IL34: variants seen among roughly 807,000 people sequenced by gnomAD.
IL34 encodes interleukin-34.
Under a neutral mutation model 25.3 loss-of-function variants are expected in IL34, and 17 were observed. The observed-to-expected ratio is 0.67, with a 90% CI of 0.46 to 1.01. The LOEUF (loss-of-function observed/expected upper bound fraction) is 1.01. IL34 is among the 50% of genes least tolerant of loss of function. The probability of loss-of-function intolerance (pLI) is 0.00; values close to 1 mark genes in which losing one functional copy is unlikely to be tolerated. For missense variants in IL34, 368 were observed against 312.9 expected (o/e 1.18, Z -1.33); for synonymous variants, 174 against 140.9 (o/e 1.23, Z -1.66).
At chr16:70,606,564 C>T (rs1407264446) in intron 1 of IL34, among the ~76,000 whole-genome samples, 3 of 152,070 alleles carry the variant, frequency 2.0e-5, no homozygotes, top group African/African-American at 7.2e-5. Flanking sequence ...GATCTGTCTT[C>T]TGTCATTTTA....
intron 1 of IL34, among the ~76,000 whole-genome samples, chr16:70,596,277 A>G (rs1039112412): frequency 1.3e-5 from 2 of 152,218 alleles, no homozygotes; most frequent in Admixed American, 1.3e-4. Flanking sequence ...TTCACCTTCT[A>G]ATACCTTCAC....
At chr16:70,599,265 G>T (rs1369276211) in intron 1 of IL34, among the ~76,000 whole-genome samples, 2 of 139,076 alleles carry the variant, frequency 1.4e-5, no homozygotes, top group African/African-American at 5.6e-5. Context: ...GTCAAGAACT[G>T]TTTCTTTCTT....
In IL34 at chr16:70,626,605, A is replaced by G. The variant is rs191239006; in HGVS notation, c.-400-19943A>G. ...GAGATGGGGTTTCACCATGTTGATCAGGCTGGTCTGGAACTCCTGACCTCA... is the reference window on the plus strand; with the variant it reads ...GAGATGGGGTTTCACCATGTTGATCGGGCTGGTCTGGAACTCCTGACCTCA... On this transcript the variant is annotated intron_variant, in intron 1 of 6. Coordinates refer to the IL34 transcript ENST00000429149. 1.2e-3 allele frequency among the ~76,000 whole-genome samples: 188 copies of G among 152,284 alleles called. 1 individual carries two copies. The highest frequency in any genetic ancestry group is 4.4e-3 in the African/African-American group (184 of 41,548).
chr16:70,618,276 TG>T (rs1332076939), intron 1 of IL34, among the ~76,000 whole-genome samples: 2 of 151,626 alleles, frequency 1.3e-5, no homozygotes, highest in African/African-American at 4.9e-5. Flanking sequence ...GAAGGAAATT[TG>T]GGGAAATGGG....
chr16:70,617,804 C>T (rs936745015), intron 1 of IL34, among the ~76,000 whole-genome samples: 6 of 147,312 alleles, frequency 4.1e-5, no homozygotes, highest in African/African-American at 1.3e-4. Context: ...AATAAAGGCT[C>T]GTCTGTTATC....
At chr16:70,637,636 C>T (rs527991931) in intron 1 of IL34, among the ~76,000 whole-genome samples, 23 of 152,034 alleles carry the variant, frequency 1.5e-4, no homozygotes, top group African/African-American at 5.3e-4. Context: ...TGAGCCACCG[C>T]GCCTGGCCAA....
At chr16:70,651,542 G>A (rs1468834421) in intron 1 of IL34, among the ~76,000 whole-genome samples, 1 of 152,142 alleles carries the variant, frequency 6.6e-6, no homozygotes, top group African/African-American at 2.4e-5. Context: ...CACTCCTGGT[G>A]GGAGGTCCTG....
At chr16:70,641,993 C>T (rs1462505353), upstream of IL34, among the ~76,000 whole-genome samples, 1 of 152,142 alleles carries the variant, frequency 6.6e-6, no homozygotes, top group Admixed American at 6.5e-5. Flanking sequence ...CATTATTTGA[C>T]AATAAAAAGA....
At chr16:70,580,355 T>C (rs768867539) in intron 1 of IL34, among the ~76,000 whole-genome samples, 3 of 152,248 alleles carry the variant, frequency 2.0e-5, no homozygotes, top group East Asian at 1.9e-4. Context: ...GTTTAGTCAA[T>C]TGACAAACCT....
chr16:70,605,968 G>GT (rs1483071432), intron 1 of IL34, among the ~76,000 whole-genome samples: 3,495 of 123,608 alleles, frequency 0.028, 190 homozygotes, highest in East Asian at 0.21. Context: ...CACCGCACCT[G>GT]GTTTTTTTTT....
In IL34 at chr16:70,654,663, C is replaced by G; in HGVS notation, c.154C>G (p.Gln52Glu). The G allele has an allele frequency of 6.2e-7, 1 of 1,607,048 alleles. No individual in the cohort carries two copies. ...CAAGCTGCAGTACAGGAGCCGACTT[C>G]AGTACATGGTAACCACGTGGGCACC... ...RDKLQYRSRL[Q>E]YMKHYFPINY... is the part of the protein sequence containing the mutation. Residue 52 changes from glutamine (Q) to glutamate (E), a missense_variant, in exon 2 of 6, where the codon CAG becomes GAG. Gln to Glu is a conservative substitution (Grantham distance 29, BLOSUM62 2). Coordinates refer to ENST00000288098, the MANE Select transcript of IL34 (RefSeq NM_001393494.1).
At position 70,618,815 on chromosome 16, in the gene IL34, T is replaced by G. The variant is rs951196364; in HGVS notation, c.-400-27733T>G. 3.3e-5 allele frequency among the ~76,000 whole-genome samples: 5 copies of G among 151,988 alleles called. No individual in the cohort carries two copies. In the East Asian group the frequency reaches 9.7e-4, roughly 29 times the overall value. ...GGAAGAAATTTGGGCTTGATTGAAG[T>G]AATGGGGGCTGTCTGTGAAGCTTTG... is the stretch of plus-strand genomic sequence containing the variant. On this transcript the variant is annotated intron_variant, in intron 1 of 6. Transcript: ENST00000429149.
In IL34 at chr16:70,660,526, T is replaced by G; in HGVS notation, c.*339T>G. ...GCAGCAGTGAGGGCACAGCTGTGGG[T>G]TGCAGGGGAGACAGCCAGCACGGCG... is the stretch of plus-strand genomic sequence containing the variant. On this transcript the variant is annotated 3_prime_UTR_variant, in exon 6 of 6. Coordinates refer to ENST00000288098, the MANE Select transcript of IL34 (RefSeq NM_001393494.1). 1 of 236,536 alleles carries G rather than the reference T, an allele frequency of 4.2e-6. No individual in the cohort carries two copies. The allele number at this position is 236,536 out of a possible 1,614,324, so 14.7% of individuals were successfully genotyped here.
At chr16:70,601,285 A>T (rs1224496632) in intron 1 of IL34, among the ~76,000 whole-genome samples, 1 of 152,086 alleles carries the variant, frequency 6.6e-6, no homozygotes, top group Non-Finnish European at 1.5e-5. Context: ...ATAAAAAAAA[A>T]TTGTAGAGAC....
At chr16:70,616,107 G>A (rs903986285) in intron 1 of IL34, among the ~76,000 whole-genome samples, 4 of 152,182 alleles carry the variant, frequency 2.6e-5, no homozygotes, top group Admixed American at 2.6e-4. Flanking sequence ...ACTGTGTGGT[G>A]AACATGCAGG....
At chr16:70,599,622 G>A (rs142710486) in intron 1 of IL34, among the ~76,000 whole-genome samples, 2 of 150,226 alleles carry the variant, frequency 1.3e-5, no homozygotes, top group East Asian at 2.0e-4. Context: ...GTGATCGCCC[G>A]CCTCGGCAGT....
At chr16:70,599,285 C>CTT (rs1567439304) in intron 1 of IL34, among the ~76,000 whole-genome samples, 1 of 122,668 alleles carries the variant, frequency 8.2e-6, no homozygotes, top group South Asian at 3.4e-4. Flanking sequence ...TTCTTTCTTT[C>CTT]TTTCTTTCTT....
At chr16:70,617,873 A>T (rs913899266) in intron 1 of IL34, among the ~76,000 whole-genome samples, 2 of 152,010 alleles carry the variant, frequency 1.3e-5, no homozygotes, top group Non-Finnish European at 2.9e-5. Context: ...AAGGGAAGAA[A>T]TGACTGCGGT....
chr16:70,619,392 G>A (rs1028082592), intron 1 of IL34, among the ~76,000 whole-genome samples: 1 of 152,116 alleles, frequency 6.6e-6, no homozygotes, highest in Admixed American at 6.5e-5. Flanking sequence ...TGTAGTCCAG[G>A]AATAGTCAGG....
Sources: allele counts gnomAD v4.1 joint callset (sites outside exome capture counted in the v4.1 genomes callset), GRCh38; gene constraint gnomAD v4.1.1; transcripts MANE v1.5; gene names NCBI Gene and HGNC (gene_info 2026-07-23, HGNC 2026-07-21).